DHTKD1: variants seen among roughly 807,000 people sequenced by gnomAD.
The protein encoded by DHTKD1 is dehydrogenase E1 and transketolase domain containing 1.
A neutral mutation model predicts 101.8 loss-of-function variants in DHTKD1; 78 were observed. That is an observed-to-expected ratio of 0.77 (90% CI 0.64 to 0.93). The LOEUF (loss-of-function observed/expected upper bound fraction) is 0.93. Ranked by LOEUF, DHTKD1 falls within the 40% of genes least tolerant of loss-of-function variation. The pLI is 0.00. For synonymous variants in DHTKD1, 462 were observed against 450.3 expected (o/e 1.03, Z -0.33); for missense variants, 1,223 against 1,161.7 (o/e 1.05, Z -0.77).
At chr10:12,101,416 T>C (rs1011701351) in intron 10 of DHTKD1, among the ~76,000 whole-genome samples, 4 of 152,150 alleles carry the variant, frequency 2.6e-5, no homozygotes, top group African/African-American at 9.7e-5. Flanking sequence ...AAATGTCAAA[T>C]CAATGTGTGT....
chr10:12,094,434 C>T lies in DHTKD1; in HGVS notation c.1358+163C>T, dbSNP rs1833038083. The stretch of plus-strand genomic sequence containing the variant: ...CCGGGTTCAAATGATCCTCCTGCCT[C>T]AAGTGATCCTCTTGCCTCAACCTCC... On this transcript the variant is annotated intron_variant, in intron 7 of 16. Coordinates refer to ENST00000263035, the MANE Select transcript of DHTKD1 (RefSeq NM_018706.7). 19 of 659,690 alleles carry T rather than the reference C, an allele frequency of 2.9e-5. No homozygotes were observed. In the South Asian group the frequency reaches 2.9e-4, roughly 10 times the overall value. 40.9% of individuals were successfully genotyped at this position (659,690 alleles called of 1,614,324 possible).
Position 12,122,473 on chromosome 10 carries a change from C to G in DHTKD1, c.*1585C>G, listed in dbSNP as rs1833541436. 1 of 152,172 alleles carries G rather than the reference C, an allele frequency of 6.6e-6. No homozygotes were observed. Among genetic ancestry groups the G allele is most frequent in the Admixed American group, 6.6e-5 (1 of 15,236 alleles). 9.4% of individuals were successfully genotyped at this position (152,172 alleles called of 1,614,324 possible). A position where few individuals can be genotyped will look rare whatever the true frequency, so the allele number is the denominator to read the frequency against. ...TCTCTACTAAAAATACAAAAATTAGCTGGGCGTGGTGGTGGGTGTCTGTAA... is the reference window on the plus strand; with the variant it reads ...TCTCTACTAAAAATACAAAAATTAGGTGGGCGTGGTGGTGGGTGTCTGTAA... On this transcript the variant is annotated 3_prime_UTR_variant, in exon 17 of 17. Transcript: ENST00000263035.
At chr10:12,094,345 TCTTG>T (rs760600018) in intron 7 of DHTKD1, 74 bp downstream of exon 7, 2 of 1,345,344 alleles carry the variant, frequency 1.5e-6, no homozygotes, top group African/African-American at 2.9e-5. Flanking sequence ...TGAGATGGAG[TCTTG>T]CTTTGTCACC....
chr10:12,117,790 C>T, intron 14 of DHTKD1, 35 bp downstream of exon 14: 1 of 1,249,850 alleles, frequency 8.0e-7, no homozygotes. Flanking sequence ...TATTCTGTGG[C>T]AGAATTTTAA....
In DHTKD1 at chr10:12,107,039, C is replaced by T. The variant is rs1466875325; in HGVS notation, c.2047+643C>T. ...TCGCTCTGTCACCCAGGCTGGAGTG[C>T]AGTGGTGCGATCTCGGCTCACTGCA... On this transcript the variant is annotated intron_variant, in intron 11 of 16. Coordinates refer to ENST00000263035, the MANE Select transcript of DHTKD1 (RefSeq NM_018706.7). The surrounding 1 kb of genome is among the most constrained non-coding windows in gnomAD (Gnocchi z 4.1). 6.6e-6 allele frequency among the ~76,000 whole-genome samples: 1 copy of T among 150,414 alleles called. No individual in the cohort carries two copies.
chr10:12,091,868 G>A (rs1231037328), intron 6 of DHTKD1, among the ~76,000 whole-genome samples, 184 bp downstream of exon 6: 2 of 151,828 alleles, frequency 1.3e-5, no homozygotes, highest in Non-Finnish European at 2.9e-5. Flanking sequence ...GCAGCAGCAC[G>A]ATCTTGGCTC....
In DHTKD1 at chr10:12,087,681, T is replaced by C. The variant is rs369424071; in HGVS notation, c.669T>C (p.His223=). The C allele has an allele frequency of 2.0e-5, 33 of 1,612,102 alleles. No homozygotes were observed. Among genetic ancestry groups the C allele is most frequent in the South Asian group, 3.3e-5 (3 of 90,792 alleles). Residue 223 remains histidine, a synonymous_variant, in exon 4 of 17, where the codon CAT becomes CAC. Coordinates refer to ENST00000263035, the MANE Select transcript of DHTKD1 (RefSeq NM_018706.7). This position sits in a 1 kb window ranked among gnomAD's most constrained non-coding sequence, Gnocchi z 5.2. ...GITDVIIGMP[H]RGRLNLLTGL... The stretch of plus-strand genomic sequence containing the variant: ...CTGATGTCATTATTGGGATGCCCCA[T>C]AGAGGGAGGCTGAATTTATTGACAG...
rs2131342125 is a variant in DHTKD1, at chr10:12,068,961, C to T, written c.-73C>T. On this transcript the variant is annotated 5_prime_UTR_variant, in exon 1 of 17. Transcript: ENST00000263035. ...GGGGCTCCGGCCGCCTCTGACGAGTCCCGGATTTACCAGGGCCGGTGGGAT... is the reference window on the plus strand; with the variant it reads ...GGGGCTCCGGCCGCCTCTGACGAGTTCCGGATTTACCAGGGCCGGTGGGAT... The T allele has an allele frequency of 1.3e-6, 2 of 1,575,292 alleles. No individual in the cohort carries two copies. Among genetic ancestry groups the T allele is most frequent in the Admixed American group, 1.7e-5 (1 of 57,522 alleles).
Position 12,106,344 on chromosome 10 carries a change from T to G in DHTKD1, c.1995T>G (p.Phe665Leu), listed in dbSNP as rs1346825143. The change falls in exon 11 of 17, where the codon TTT becomes TTG. Residue 665 changes from phenylalanine (F) to leucine (L), a missense_variant. Transcript: ENST00000263035. ...TACTGCCCCTGTGGGAGGCACAGTT[T>G]GGCGATTTCTTCAATGGTGCCCAGA... Reference protein sequence around the residue: ...PKLLPLWEAQFGDFFNGAQII... With the variant: ...PKLLPLWEAQLGDFFNGAQII... 1.4e-5 allele frequency: 22 copies of G among 1,614,198 alleles called. No individual in the cohort carries two copies. Among genetic ancestry groups the G allele is most frequent in the Non-Finnish European group, 1.8e-5 (21 of 1,180,048 alleles).
Position 12,107,430 on chromosome 10 carries a change from T to C in DHTKD1, c.2048-479T>C, listed in dbSNP as rs2131620509. Among the ~76,000 whole-genome samples, 1 of 152,168 alleles carries C rather than the reference T, an allele frequency of 6.6e-6. No homozygotes were observed. The highest frequency in any genetic ancestry group is 2.4e-5 in the African/African-American group (1 of 41,532). On this transcript the variant is annotated intron_variant, in intron 11 of 16. Coordinates refer to ENST00000263035, the MANE Select transcript of DHTKD1 (RefSeq NM_018706.7). The surrounding 1 kb of genome is among the most constrained non-coding windows in gnomAD (Gnocchi z 4.1). ...TGTGCCGTGATAGGTTATGGCTTTC[T>C]TTTTTGAGACGGTGTCTCACTCTGT...
At chr10:12,090,370 T>C (rs972286635) in intron 5 of DHTKD1, among the ~76,000 whole-genome samples, 1 of 53,590 alleles carries the variant, frequency 1.9e-5, no homozygotes, top group Non-Finnish European at 6.0e-5. Flanking sequence ...CCTCCCTCCC[T>C]TCCTTCCTTC....
At chr10:12,118,481 C>T (rs528135957) in intron 14 of DHTKD1, among the ~76,000 whole-genome samples, 1 of 150,540 alleles carries the variant, frequency 6.6e-6, no homozygotes, top group African/African-American at 2.4e-5. Context: ...CTCCCGGGTT[C>T]ACGCCATTCT....
Position 12,087,034 on chromosome 10 carries a change from C to G in DHTKD1, c.523-501C>G, listed in dbSNP as rs12263805. Among the ~76,000 whole-genome samples the G allele has an allele frequency of 1.0e-3, 155 of 152,210 alleles. No individual in the cohort carries two copies. The highest frequency in any genetic ancestry group is 3.4e-3 in the African/African-American group (140 of 41,546). ...AAGATACTTAAGTTCAGAACTTAAT[C>G]TGAGATGATCAAAAGATGACATGTG... On this transcript the variant is annotated intron_variant, in intron 3 of 16. Coordinates refer to ENST00000263035, the MANE Select transcript of DHTKD1 (RefSeq NM_018706.7). This position sits in a 1 kb window ranked among gnomAD's most constrained non-coding sequence, Gnocchi z 5.2.
chr10:12,076,244 G>A (rs968231739), intron 1 of DHTKD1, among the ~76,000 whole-genome samples: 2 of 152,210 alleles, frequency 1.3e-5, no homozygotes, highest in Non-Finnish European at 2.9e-5. Flanking sequence ...TTGGGAGGCC[G>A]CGGTGGGCGG....
intron 2 of DHTKD1, 40 bp from the exon 3 acceptor site, chr10:12,084,500 G>A (rs1384082248): frequency 2.3e-6 from 3 of 1,287,390 alleles, no homozygotes; most frequent in Non-Finnish European, 3.4e-6. Flanking sequence ...TAAGGAACAT[G>A]ATTATTTTTT....
chr10:12,090,988 A>G (rs993101569), intron 5 of DHTKD1, among the ~76,000 whole-genome samples: 6 of 152,184 alleles, frequency 3.9e-5, no homozygotes, highest in African/African-American at 1.4e-4. Flanking sequence ...CCGGAGGCGG[A>G]GCTTGCAGTG....
intron 4 of DHTKD1, 116 bp from the exon 5 acceptor site, chr10:12,088,870 C>G: frequency 1.0e-6 from 1 of 955,560 alleles, no homozygotes; most frequent in South Asian, 1.6e-5. Context: ...CAGGCATAAG[C>G]CACCACTCCT....
At chr10:12,098,141 G>C in intron 8 of DHTKD1, 145 bp downstream of exon 8, 1 of 733,224 alleles carries the variant, frequency 1.4e-6, no homozygotes, top group Non-Finnish European at 2.2e-6. Context: ...TCCTAGTGTT[G>C]TTTTGGTACT....
At position 12,084,866 on chromosome 10, in the gene DHTKD1, C is replaced by T. The variant is rs1832875119; in HGVS notation, c.522+115C>T. On this transcript the variant is annotated intron_variant, in intron 3 of 16. Coordinates refer to ENST00000263035, the MANE Select transcript of DHTKD1 (RefSeq NM_018706.7). Reference sequence around the variant, plus strand: ...AGGAGTTCAAGACCAGCCTGACCAACATGGAGAAACCCCATCTCTACTAAA... The same window carrying T: ...AGGAGTTCAAGACCAGCCTGACCAATATGGAGAAACCCCATCTCTACTAAA... 9 of 792,382 alleles carry T rather than the reference C, an allele frequency of 1.1e-5. No homozygotes were observed. In the South Asian group the frequency reaches 1.3e-4, roughly 11 times the overall value. The allele number at this position is 792,382 out of a possible 1,614,324, so 49.1% of individuals were successfully genotyped here.
Sources: gnomAD v4.1 joint callset for allele counts (sites outside exome capture counted in the v4.1 genomes callset) on GRCh38, gnomAD v4.1.1 for gene constraint, Gnocchi (gnomAD v3.1) non-coding constraint, MANE v1.5 for transcripts, NCBI Gene and HGNC (gene_info 2026-07-23, HGNC 2026-07-21) for gene names.